The following GALNT13 variants were observed in gnomAD, a reference collection of about 807,000 sequenced individuals.
The protein encoded by GALNT13 is polypeptide N-acetylgalactosaminyltransferase 13.
A neutral mutation model predicts 64.2 loss-of-function variants in GALNT13; 28 were observed. The ratio of observed to expected loss-of-function variants is 0.44; its 90% CI spans 0.32 to 0.60. The LOEUF (loss-of-function observed/expected upper bound fraction) is 0.60, where lower values mean the gene tolerates loss of function less well. Ranked by LOEUF, GALNT13 falls within the 20% of genes least tolerant of loss-of-function variation. The pLI is 0.05. For synonymous variants in GALNT13, 214 were observed against 224.6 expected (o/e 0.95, Z 0.42); for missense variants, 577 against 669.8 (o/e 0.86, Z 1.53).
chr2:154,272,028 C>A (rs978481000), intron 8 of GALNT13, among the ~76,000 whole-genome samples: 5 of 151,518 alleles, frequency 3.3e-5, no homozygotes, highest in Non-Finnish European at 7.4e-5. Context: ...AAAAAGAAAT[C>A]GAATGAAAAT....
chr2:153,662,906 C>T, the GALNT13 span, among the ~76,000 whole-genome samples: 1 of 152,288 alleles, frequency 6.6e-6, no homozygotes, highest in Middle Eastern at 3.4e-3. Context: ...TCTAAAACCT[C>T]AATCTATTCC....
At chr2:153,456,900 T>G in the GALNT13 span, among the ~76,000 whole-genome samples, 2 of 152,082 alleles carry the variant, frequency 1.3e-5, no homozygotes, top group East Asian at 3.8e-4. Context: ...ATAATATAAG[T>G]GAATGCAAAG....
chr2:154,146,665 AG>A, intron 4 of GALNT13, among the ~76,000 whole-genome samples: 1 of 152,218 alleles, frequency 6.6e-6, no homozygotes, highest in Admixed American at 6.6e-5. Flanking sequence ...GACTTATAAA[AG>A]CATCCCCCAC....
chr2:153,708,074 T>G, the GALNT13 span, among the ~76,000 whole-genome samples: 2 of 152,128 alleles, frequency 1.3e-5, no homozygotes, highest in East Asian at 3.9e-4. Context: ...AAGTCTTCCC[T>G]CATAGAGTAA....
the GALNT13 span, among the ~76,000 whole-genome samples, chr2:153,162,582 A>C: frequency 6.6e-6 from 1 of 152,326 alleles, no homozygotes; most frequent in Admixed American, 6.5e-5. Context: ...CACTACAACT[A>C]AATGAAACAG....
chr2:154,307,999 T>C (rs1356885180), intron 9 of GALNT13, among the ~76,000 whole-genome samples: 1 of 152,134 alleles, frequency 6.6e-6, no homozygotes, highest in African/African-American at 2.4e-5. Flanking sequence ...TCTCTAGCTG[T>C]AGATCAACAG....
chr2:153,200,833 G>A, the GALNT13 span, among the ~76,000 whole-genome samples: 2 of 152,154 alleles, frequency 1.3e-5, no homozygotes, highest in South Asian at 2.1e-4. Flanking sequence ...ATCAGCACAA[G>A]GGCAATGTCC....
the GALNT13 span, among the ~76,000 whole-genome samples, chr2:153,124,456 C>G: frequency 6.6e-6 from 1 of 151,624 alleles, no homozygotes; most frequent in African/African-American, 2.4e-5. Flanking sequence ...TACAGAGATA[C>G]TATATCCATC....
the GALNT13 span, among the ~76,000 whole-genome samples, chr2:153,683,581 G>T: frequency 1.3e-5 from 2 of 151,636 alleles, no homozygotes; most frequent in African/African-American, 4.8e-5. Context: ...ATTCTTAAGT[G>T]TTAGATATCT....
the GALNT13 span, among the ~76,000 whole-genome samples, chr2:153,798,766 A>G: frequency 2.0e-5 from 3 of 152,200 alleles, no homozygotes; most frequent in Non-Finnish European, 4.4e-5. Context: ...CTCTTAAAAA[A>G]GTTGTCATAC....
At chr2:153,595,633 A>T in the GALNT13 span, among the ~76,000 whole-genome samples, 2 of 152,120 alleles carry the variant, frequency 1.3e-5, no homozygotes, top group Non-Finnish European at 2.9e-5. Flanking sequence ...ATTCATCAGA[A>T]ATAAAATTAT....
the GALNT13 span, among the ~76,000 whole-genome samples, chr2:153,694,825 C>T: frequency 0.24 from 36,290 of 151,860 alleles, 5,222 homozygotes; most frequent in Middle Eastern, 0.43. Context: ...ATACTATGTC[C>T]GGACAATAAA....
At chr2:153,584,465 C>T in the GALNT13 span, among the ~76,000 whole-genome samples, 1 of 152,206 alleles carries the variant, frequency 6.6e-6, no homozygotes, top group Non-Finnish European at 1.5e-5. Context: ...CCCACACAGC[C>T]ACTTGCAACC....
At chr2:153,915,402 T>C (rs1164707057) in intron 2 of GALNT13, among the ~76,000 whole-genome samples, 1 of 152,202 alleles carries the variant, frequency 6.6e-6, no homozygotes, top group Non-Finnish European at 1.5e-5. Context: ...TATAGGGGAT[T>C]CCTGGGTGTC....
chr2:153,567,457 GGAGT>G, the GALNT13 span, among the ~76,000 whole-genome samples: 9 of 152,336 alleles, frequency 5.9e-5, no homozygotes, highest in East Asian at 1.7e-3. Context: ...GGCCTGGTGA[GGAGT>G]GAGTAACAGG....
chr2:153,576,739 C>G, the GALNT13 span, among the ~76,000 whole-genome samples: 1 of 151,962 alleles, frequency 6.6e-6, no homozygotes, highest in Non-Finnish European at 1.5e-5. Context: ...ATTTTTAGTT[C>G]TCATGAAGAT....
intron 9 of GALNT13, among the ~76,000 whole-genome samples, chr2:154,347,309 T>A (rs574237188): frequency 2.6e-4 from 39 of 152,270 alleles, no homozygotes; most frequent in African/African-American, 9.1e-4. Flanking sequence ...GAGCACATAC[T>A]GCATAAAAGA....
intron 2 of GALNT13, among the ~76,000 whole-genome samples, chr2:153,931,987 C>T (rs1418074744): frequency 1.3e-5 from 2 of 152,060 alleles, no homozygotes; most frequent in Admixed American, 6.6e-5. Context: ...CCCTCTCATC[C>T]AGGGCTTTAT....
the GALNT13 span, among the ~76,000 whole-genome samples, chr2:153,487,163 A>G: frequency 6.6e-6 from 1 of 152,222 alleles, no homozygotes; most frequent in South Asian, 2.1e-4. Flanking sequence ...AGACTTGTAT[A>G]TTTGCACTCA....
Sources: gnomAD v4.1 joint callset for allele counts (sites outside exome capture counted in the v4.1 genomes callset) on GRCh38, gnomAD v4.1.1 for gene constraint, MANE v1.5 for transcripts, NCBI Gene and HGNC (gene_info 2026-07-23, HGNC 2026-07-21) for gene names.